The following KDM4B variants were observed in gnomAD, a reference collection of about 807,000 sequenced individuals.
KDM4B encodes lysine demethylase 4B, also known as lysine-specific demethylase 4B.
KDM4B carries 32 observed loss-of-function variants against 125.2 expected under a neutral mutation model. The observed-to-expected ratio is 0.26, with a 90% CI of 0.19 to 0.34. KDM4B has a LOEUF of 0.34. KDM4B is among the 10% of genes least tolerant of loss of function. KDM4B has a pLI of 1.00. For missense variants in KDM4B, 1,190 were observed against 1,577.7 expected (o/e 0.75, Z 4.16); for synonymous variants, 721 against 677.9 (o/e 1.06, Z -0.99).
intron 10 of KDM4B, chr19:5,119,218 T>C (rs577867490): frequency 6.5e-7 from 1 of 1,527,622 alleles, no homozygotes; most frequent in South Asian, 1.2e-5. Flanking sequence ...GCCGGGGCTG[T>C]CGTAAGTGTC....
At chr19:5,065,358 ACT>A (rs2037735706) in intron 6 of KDM4B, among the ~76,000 whole-genome samples, 1 of 152,180 alleles carries the variant, frequency 6.6e-6, no homozygotes, top group Non-Finnish European at 1.5e-5. Context: ...TTCCTGACAC[ACT>A]CATTTAATTT....
chr19:5,025,823 G>A (rs916475377), intron 2 of KDM4B, among the ~76,000 whole-genome samples: 8 of 152,148 alleles, frequency 5.3e-5, no homozygotes, highest in African/African-American at 9.6e-5. Flanking sequence ...GACCTCTCTG[G>A]TCCCAAACCA....
At chr19:5,041,843 C>T (rs950245589) in intron 5 of KDM4B, among the ~76,000 whole-genome samples, 1 of 152,276 alleles carries the variant, frequency 6.6e-6, no homozygotes, top group East Asian at 1.9e-4. Context: ...GTGTGTGGAA[C>T]AGCAGCAGGA....
chr19:5,145,784 G>A (rs1389764496), intron 21 of KDM4B, among the ~76,000 whole-genome samples: 2 of 152,118 alleles, frequency 1.3e-5, no homozygotes, highest in African/African-American at 4.8e-5. Flanking sequence ...GAGTGGAAAC[G>A]AAGCCTCACT....
intron 14 of KDM4B, among the ~76,000 whole-genome samples, chr19:5,134,707 C>G (rs1251163406): frequency 6.6e-6 from 1 of 152,236 alleles, no homozygotes; most frequent in Non-Finnish European, 1.5e-5. Flanking sequence ...GTCCAGGCAT[C>G]AGCAGAGCTG....
chr19:5,008,356 C>T (rs2035623824), intron 1 of KDM4B, among the ~76,000 whole-genome samples: 1 of 152,186 alleles, frequency 6.6e-6, no homozygotes, highest in Non-Finnish European at 1.5e-5. Flanking sequence ...TCTCAGCTTT[C>T]TCCCGTTTAT....
At chr19:4,988,425 G>A (rs1321282748) in intron 1 of KDM4B, among the ~76,000 whole-genome samples, 5 of 152,070 alleles carry the variant, frequency 3.3e-5, no homozygotes, top group Non-Finnish European at 5.9e-5. Context: ...ACAGGTGCCC[G>A]CCACCACGCC....
Position 5,131,485 on chromosome 19 carries a change from C to T in KDM4B, c.1725C>T (p.Asp575=), listed in dbSNP as rs769796848. The T allele has an allele frequency of 1.8e-5, 27 of 1,476,372 alleles. No individual in the cohort carries two copies. Among genetic ancestry groups the T allele is most frequent in the South Asian group, 8.0e-5 (7 of 87,938 alleles). 91.5% of individuals were successfully genotyped at this position (1,476,372 alleles called of 1,614,324 possible). ...VSPMELTGPE[D]GAASSGAGRM... ...CCATGGAGCTGACGGGGCCAGAGGA[C>T]GGTGCAGCCAGCAGTGGGGCAGGTC... Residue 575 remains aspartate, a synonymous_variant, in exon 12 of 23, where the codon GAC becomes GAT. Coordinates refer to ENST00000159111, the MANE Select transcript of KDM4B (RefSeq NM_015015.3).
intron 9 of KDM4B, among the ~76,000 whole-genome samples, chr19:5,102,870 G>T (rs900364074): frequency 5.9e-5 from 9 of 152,294 alleles, no homozygotes; most frequent in African/African-American, 2.2e-4. Context: ...GTGCTGTGGC[G>T]ATACTAAGTA....
intron 11 of KDM4B, among the ~76,000 whole-genome samples, chr19:5,125,034 G>A (rs1223285064): frequency 6.6e-6 from 1 of 151,948 alleles, no homozygotes; most frequent in East Asian, 1.9e-4. Flanking sequence ...TCAGTAGCTG[G>A]GACTGTGGAC....
intron 2 of KDM4B, among the ~76,000 whole-genome samples, chr19:5,017,016 G>GGTGGCA (rs1440907662): frequency 1.3e-5 from 2 of 152,226 alleles, no homozygotes; most frequent in Non-Finnish European, 2.9e-5. Context: ...TCAAGGCAGA[G>GGTGGCA]GTGGCAGTGG....
chr19:4,987,581 G>C (rs1230179028), intron 1 of KDM4B, among the ~76,000 whole-genome samples: 1 of 152,304 alleles, frequency 6.6e-6, no homozygotes, highest in East Asian at 1.9e-4. Flanking sequence ...GCTGATCTTA[G>C]CTGTTAGGCT....
intron 11 of KDM4B, among the ~76,000 whole-genome samples, chr19:5,126,359 C>T (rs2039449542): frequency 1.3e-5 from 2 of 152,190 alleles, no homozygotes; most frequent in African/African-American, 2.4e-5. Flanking sequence ...AACCCCAGAA[C>T]CAAGCAGAAA....
chr19:4,979,225 G>A (rs1339039480), intron 1 of KDM4B, among the ~76,000 whole-genome samples: 5 of 152,312 alleles, frequency 3.3e-5, no homozygotes, highest in Non-Finnish European at 7.4e-5. Flanking sequence ...TGAGCCTACA[G>A]TGAGCCATGA....
intron 2 of KDM4B, among the ~76,000 whole-genome samples, chr19:5,020,588 G>A (rs965744429): frequency 6.6e-6 from 1 of 152,184 alleles, no homozygotes; most frequent in African/African-American, 2.4e-5. Context: ...CCGTCGCTTG[G>A]TGCCCAGAGG....
chr19:5,005,379 C>G lies in KDM4B; in HGVS notation c.-108-10878C>G, dbSNP rs545541664. On this transcript the variant is annotated intron_variant, in intron 1 of 22. Transcript: ENST00000159111. ...GTGTGGGCACCTGTTCCTCCATGGC[C>G]TCTGTGACCTGTCGTGTCATTGGAC... Among the ~76,000 whole-genome samples, 26 of 152,296 alleles carry G rather than the reference C, an allele frequency of 1.7e-4. No individual in the cohort carries two copies. In the South Asian group the frequency reaches 5.4e-3, roughly 32 times the overall value.
intron 9 of KDM4B, among the ~76,000 whole-genome samples, chr19:5,091,647 G>T (rs1030166883): frequency 1.6e-4 from 25 of 152,018 alleles, no homozygotes; most frequent in African/African-American, 4.1e-4. Flanking sequence ...CTGCCTGGGA[G>T]AACTGTGTGT....
At chr19:5,096,241 C>T (rs2038820111) in intron 9 of KDM4B, among the ~76,000 whole-genome samples, 1 of 152,064 alleles carries the variant, frequency 6.6e-6, no homozygotes, top group African/African-American at 2.4e-5. Flanking sequence ...TGCGCCACCA[C>T]ACCTGGCTAA....
At chr19:5,130,842 C>T (rs1287752629) in intron 11 of KDM4B, among the ~76,000 whole-genome samples, 2 of 152,278 alleles carry the variant, frequency 1.3e-5, no homozygotes, top group Non-Finnish European at 2.9e-5. Flanking sequence ...GCAAGTGCCG[C>T]TGCTGCGCCT....
Sources: gnomAD v4.1 joint callset for allele counts (sites outside exome capture counted in the v4.1 genomes callset) on GRCh38, gnomAD v4.1.1 for gene constraint, MANE v1.5 for transcripts, NCBI Gene and HGNC (gene_info 2026-07-23, HGNC 2026-07-21) for gene names.